The following KDM4A variants were observed in gnomAD, a reference collection of about 807,000 sequenced individuals.
KDM4A encodes lysine-specific demethylase 4A.
Under a neutral mutation model 127.1 loss-of-function variants are expected in KDM4A, and 23 were observed. The ratio of observed to expected loss-of-function variants is 0.18; its 90% CI spans 0.13 to 0.26. The LOEUF is 0.26. Among genes scored for constraint, KDM4A ranks in the 10% least tolerant of loss-of-function variants. The probability of loss-of-function intolerance (pLI) is 1.00; values close to 1 mark genes in which losing one functional copy is unlikely to be tolerated. For synonymous variants in KDM4A, 443 were observed against 466.5 expected (o/e 0.95, Z 0.65); for missense variants, 890 against 1,329.1 (o/e 0.67, Z 5.14).
At chr1:43,698,152 C>T in intron 19 of KDM4A, 139 bp downstream of exon 19, 1 of 779,966 alleles carries the variant, frequency 1.3e-6, no homozygotes, top group Non-Finnish European at 2.0e-6. Context: ...CAGAAAGAAT[C>T]ATCTGTACCA....
In KDM4A at chr1:43,688,784, C is replaced by T; in HGVS notation, c.1856-130C>T. ...GCTTCCACCCTTTGCCTTTATCATCCTTAGGAATTCAGGAGTCACCCTTGG... is the reference window on the plus strand; with the variant it reads ...GCTTCCACCCTTTGCCTTTATCATCTTTAGGAATTCAGGAGTCACCCTTGG... On this transcript the variant is annotated intron_variant, in intron 12 of 21. Transcript: ENST00000372396. The surrounding 1 kb of genome is among the most constrained non-coding windows in gnomAD (Gnocchi z 4.4). The T allele has an allele frequency of 1.3e-6, 1 of 747,608 alleles. No homozygotes were observed. The highest frequency in any genetic ancestry group is 2.7e-5 in the East Asian group (1 of 37,572). The allele number at this position is 747,608 out of a possible 1,614,324, so 46.3% of individuals were successfully genotyped here.
chr1:43,671,829 A>G lies in KDM4A; in HGVS notation c.1688A>G (p.Lys563Arg), dbSNP rs750147690. 3 of 1,590,940 alleles carry G rather than the reference A, an allele frequency of 1.9e-6. No individual in the cohort carries two copies. Among genetic ancestry groups the G allele is most frequent in the South Asian group, 1.1e-5 (1 of 88,168 alleles). The change falls in exon 11 of 22, where the codon AAG becomes AGG. Residue 563 changes from lysine to arginine, a missense_variant. This residue lies in a region of KDM4A where 389 missense variants were observed against 485.9 expected (regional missense o/e 0.80). Coordinates refer to ENST00000372396, the MANE Select transcript of KDM4A (RefSeq NM_014663.3). ...ACTGTGGGAGAGCCATGCACGAGGA[A>G]GAAAGGAAGCGCCGCTAGAAGTTTC... ...RVTVGEPCTR[K>R]KGSAARSFSE...
chr1:43,670,586 C>T (rs1219529733), intron 10 of KDM4A, among the ~76,000 whole-genome samples: 6 of 112,542 alleles, frequency 5.3e-5, no homozygotes, highest in African/African-American at 7.4e-5. Flanking sequence ...TTTTTTGAGA[C>T]GGAGTCTCAC....
chr1:43,691,647 G>T, intron 15 of KDM4A, 75 bp downstream of exon 15: 2 of 1,281,534 alleles, frequency 1.6e-6, no homozygotes, highest in South Asian at 1.2e-5. Flanking sequence ...TTTCATGTTG[G>T]ACTCAGTATT....
intron 13 of KDM4A, 157 bp from the exon 14 acceptor site, chr1:43,690,688 A>G: frequency 1.4e-6 from 1 of 726,098 alleles, no homozygotes; most frequent in Non-Finnish European, 2.5e-6. Context: ...CATTACAGGT[A>G]ACTTCAATTA....
At chr1:43,671,937 G>A (rs2154047407) in intron 11 of KDM4A, 62 bp downstream of exon 11, 2 of 1,497,832 alleles carry the variant, frequency 1.3e-6, no homozygotes, top group East Asian at 4.6e-5. Flanking sequence ...CTGTCGGGAG[G>A]GGATCTGTGT....
At chr1:43,679,760 CA>C (rs1466709326) in intron 11 of KDM4A, among the ~76,000 whole-genome samples, 1 of 152,110 alleles carries the variant, frequency 6.6e-6, no homozygotes, top group Non-Finnish European at 1.5e-5. Flanking sequence ...AGTGAGTTCC[CA>C]AAACAAGGTG....
Position 43,691,544 on chromosome 1 carries a change from C to G in KDM4A, c.2291C>G (p.Ser764Cys). Residue 764 changes from serine (S) to cysteine (C), a missense_variant, in exon 15 of 22, where the codon TCT (serine) becomes TGT (cysteine). Ser to Cys is a moderately radical substitution (Grantham distance 112, BLOSUM62 -1). Around this residue, in one of 7 missense-constraint regions of KDM4A, gnomAD observed 246 missense variants for 418.4 expected, o/e 0.59. Coordinates refer to ENST00000372396, the MANE Select transcript of KDM4A (RefSeq NM_014663.3). ...PAKASEDWMC[S>C]RCSANALEED... ...AAGGCTTCTGAAGACTGGATGTGTT[C>G]TCGGTGTTCAGCCAATGCCCTAGAG... The G allele has an allele frequency of 1.2e-6, 2 of 1,613,952 alleles. No individual in the cohort carries two copies. The highest frequency in any genetic ancestry group is 1.7e-6 in the Non-Finnish European group (2 of 1,179,986).
At chr1:43,673,728 G>T (rs1222611512) in intron 11 of KDM4A, among the ~76,000 whole-genome samples, 1 of 152,038 alleles carries the variant, frequency 6.6e-6, no homozygotes, top group Non-Finnish European at 1.5e-5. Context: ...GGCTTTTTCA[G>T]CCTGGAAACC....
chr1:43,670,284 G>C (rs1016666590), intron 10 of KDM4A, among the ~76,000 whole-genome samples: 1 of 152,180 alleles, frequency 6.6e-6, no homozygotes, highest in Non-Finnish European at 1.5e-5. Context: ...CAGCACTGTG[G>C]ACTGACACCC....
At chr1:43,679,234 T>C (rs925640935) in intron 11 of KDM4A, among the ~76,000 whole-genome samples, 1 of 152,214 alleles carries the variant, frequency 6.6e-6, no homozygotes, top group Non-Finnish European at 1.5e-5. Context: ...TTCTAGAAGC[T>C]GGGCCCTGTG....
intron 7 of KDM4A, 117 bp from the exon 8 acceptor site, chr1:43,666,837 C>G: frequency 1.0e-6 from 1 of 1,002,320 alleles, no homozygotes; most frequent in East Asian, 2.4e-5. Flanking sequence ...CAGCAAGGAC[C>G]CCAGGGGTTT....
chr1:43,691,281 T>G (rs559050668), intron 14 of KDM4A, among the ~76,000 whole-genome samples: 2 of 152,304 alleles, frequency 1.3e-5, no homozygotes, highest in Non-Finnish European at 2.9e-5. Context: ...TGCCACTTAC[T>G]AGGTGTTTGT....
chr1:43,662,867 TG>T, intron 4 of KDM4A, 26 bp from the exon 5 acceptor site: 1 of 1,567,472 alleles, frequency 6.4e-7, no homozygotes, highest in Middle Eastern at 1.7e-4. Context: ...AAATGTAACT[TG>T]CCCTGGACTG....
In KDM4A at chr1:43,688,816, C is replaced by T. The variant is rs1169937117; in HGVS notation, c.1856-98C>T. 11 of 1,134,532 alleles carry T rather than the reference C, an allele frequency of 9.7e-6. No individual in the cohort carries two copies. The highest frequency in any genetic ancestry group is 1.4e-5 in the Non-Finnish European group (11 of 790,096). 70.3% of individuals were successfully genotyped at this position (1,134,532 alleles called of 1,614,324 possible). On this transcript the variant is annotated intron_variant, in intron 12 of 21. Coordinates refer to ENST00000372396, the MANE Select transcript of KDM4A (RefSeq NM_014663.3). The surrounding 1 kb of genome is among the most constrained non-coding windows in gnomAD (Gnocchi z 4.4). ...ATTCAGGAGTCACCCTTGGTCCAAA[C>T]CTAGGATCAGGAGTCCTAGTGGAAC...
intron 19 of KDM4A, chr1:43,702,199 C>T (rs1330317745): frequency 6.6e-6 from 1 of 152,096 alleles, no homozygotes; most frequent in Admixed American, 6.5e-5. Context: ...CTCAGGAACC[C>T]CTCAGAGGTT....
intron 11 of KDM4A, among the ~76,000 whole-genome samples, chr1:43,674,941 A>AG (rs752429014): frequency 8.5e-5 from 13 of 152,312 alleles, no homozygotes; most frequent in African/African-American, 2.2e-4. Flanking sequence ...AGTGAAGTGA[A>AG]GCACAGCTTT....
chr1:43,675,810 T>C (rs1268068780), intron 11 of KDM4A, among the ~76,000 whole-genome samples: 1 of 152,150 alleles, frequency 6.6e-6, no homozygotes, highest in Admixed American at 6.5e-5. Context: ...CCGTGGTGCA[T>C]GCCTGTAATC....
At chr1:43,667,116 T>C (rs781727889) in intron 8 of KDM4A, 25 bp downstream of exon 8, 8 of 1,612,992 alleles carry the variant, frequency 5.0e-6, no homozygotes, top group South Asian at 4.4e-5. Context: ...TTTCTTTCTA[T>C]AACACCATGA....
Sources: gnomAD v4.1 joint callset for allele counts (sites outside exome capture counted in the v4.1 genomes callset) on GRCh38, gnomAD v4.1.1 for gene constraint, gnomAD v4.1.1 regional missense constraint, Gnocchi (gnomAD v3.1) non-coding constraint, MANE v1.5 for transcripts, NCBI Gene and HGNC (gene_info 2026-07-23, HGNC 2026-07-21) for gene names.